ARL15: variants seen among roughly 807,000 people sequenced by gnomAD.
ARL15 encodes ARF like GTPase 15.
Under a neutral mutation model 25.2 loss-of-function variants are expected in ARL15, and 19 were observed. That is an observed-to-expected ratio of 0.75 (90% confidence interval 0.53 to 1.10). ARL15 has a LOEUF of 1.10. Ranked by LOEUF, ARL15 falls within the 50% of genes least tolerant of loss-of-function variation. The pLI is 0.00. For missense variants in ARL15, 220 were observed against 246.0 expected (o/e 0.89, Z 0.71); for synonymous variants, 94 against 86.8 (o/e 1.08, Z -0.46).
chr5:54,252,898 T>A (rs912024752), intron 1 of ARL15, among the ~76,000 whole-genome samples: 1 of 152,034 alleles, frequency 6.6e-6, no homozygotes, highest in Non-Finnish European at 1.5e-5. Flanking sequence ...GAATGTTTTT[T>A]ATTTTTTGTA....
At chr5:54,258,948 A>G (rs1031574723) in intron 1 of ARL15, among the ~76,000 whole-genome samples, 1 of 152,196 alleles carries the variant, frequency 6.6e-6, no homozygotes, top group South Asian at 2.1e-4. Flanking sequence ...GAACAACCAT[A>G]TAGACAAATT....
chr5:54,029,333 TACCACCACCACC>T (rs34152775), intron 4 of ARL15, among the ~76,000 whole-genome samples: 115 of 94,688 alleles, frequency 1.2e-3, no homozygotes, highest in African/African-American at 4.0e-3. Flanking sequence ...CCACCACCAC[TACCACCACCACC>T]ACCACCACCA....
chr5:54,165,662 C>A lies in ARL15; in HGVS notation c.193+6122G>T, dbSNP rs534551556. 1.5e-3 allele frequency among the ~76,000 whole-genome samples: 225 copies of A among 149,446 alleles called. 1 individual carries two copies. The highest frequency in any genetic ancestry group is 7.6e-3 in the Admixed American group (114 of 15,004). On this transcript the variant is annotated intron_variant, in intron 2 of 4. Coordinates refer to ENST00000504924, the MANE Select transcript of ARL15 (RefSeq NM_019087.3). ...CTTTGTTCTCAAGAGAAAAAAAAAA[C>A]CAAAAGGATGTGTGTTTATATGCAT...
At chr5:53,951,998 T>C (rs813702) in intron 4 of ARL15, among the ~76,000 whole-genome samples, 1 of 152,078 alleles carries the variant, frequency 6.6e-6, no homozygotes, top group African/African-American at 2.4e-5. Flanking sequence ...CTGGGCGTGG[T>C]GGCTCGCGCC....
chr5:54,164,623 A>G (rs1276442512), intron 2 of ARL15, among the ~76,000 whole-genome samples: 1 of 152,034 alleles, frequency 6.6e-6, no homozygotes, highest in Non-Finnish European at 1.5e-5. Flanking sequence ...CTTTATCCCC[A>G]GCCTTATTCA....
chr5:54,115,007 C>T (rs1217087482), intron 3 of ARL15, among the ~76,000 whole-genome samples: 1 of 152,192 alleles, frequency 6.6e-6, no homozygotes, highest in Admixed American at 6.5e-5. Flanking sequence ...TGTGCCCTGG[C>T]TGGCAAGGGT....
At chr5:54,268,737 C>T (rs1172468195) in intron 1 of ARL15, among the ~76,000 whole-genome samples, 2 of 152,112 alleles carry the variant, frequency 1.3e-5, no homozygotes, top group Non-Finnish European at 2.9e-5. Context: ...ACCCAAAGGA[C>T]TATAAATCAT....
At chr5:54,123,503 T>A (rs986884533) in intron 3 of ARL15, among the ~76,000 whole-genome samples, 1 of 152,166 alleles carries the variant, frequency 6.6e-6, no homozygotes, top group Non-Finnish European at 1.5e-5. Flanking sequence ...GAAGCAAGCT[T>A]CCCCTTTGTG....
intron 4 of ARL15, among the ~76,000 whole-genome samples, chr5:53,916,383 G>A (rs1285667570): frequency 6.6e-6 from 1 of 151,642 alleles, no homozygotes; most frequent in Non-Finnish European, 1.5e-5. Flanking sequence ...GGAGAGATTT[G>A]AAGTACCAAT....
chr5:54,041,573 G>C lies in ARL15; in HGVS notation c.462+71629C>G, dbSNP rs535148650. 6.6e-5 allele frequency among the ~76,000 whole-genome samples: 10 copies of C among 152,296 alleles called. No individual in the cohort carries two copies. In the East Asian group the frequency reaches 1.7e-3, roughly 27 times the overall value. On this transcript the variant is annotated intron_variant, in intron 4 of 4. Transcript: ENST00000504924. ...ACTACAGGCTCTACATGAGCCACAA[G>C]TATGACCTGGCTATTAAAATATTAT...
At chr5:53,944,376 C>T (rs535385541) in intron 4 of ARL15, among the ~76,000 whole-genome samples, 6 of 152,108 alleles carry the variant, frequency 3.9e-5, no homozygotes, top group East Asian at 1.9e-4. Flanking sequence ...TTTGGGAGGC[C>T]GAGGCAGGAG....
intron 4 of ARL15, among the ~76,000 whole-genome samples, chr5:54,046,468 G>A (rs1239149034): frequency 2.0e-5 from 3 of 152,164 alleles, no homozygotes; most frequent in Non-Finnish European, 2.9e-5. Flanking sequence ...GCACGAGAGC[G>A]AGACTCTGTC....
chr5:53,885,088 C>T lies in ARL15; in HGVS notation c.*1473G>A, dbSNP rs1234772116. Reference sequence around the variant, plus strand: ...TTAAATGGCATTAAGGGTCTGAAGTCTATCTTCTGGAGAATTACCAGGTAT... The same window carrying T: ...TTAAATGGCATTAAGGGTCTGAAGTTTATCTTCTGGAGAATTACCAGGTAT... On this transcript the variant is annotated 3_prime_UTR_variant, in exon 5 of 5. Coordinates refer to ENST00000504924, the MANE Select transcript of ARL15 (RefSeq NM_019087.3). 1 of 152,562 alleles carries T rather than the reference C, an allele frequency of 6.6e-6. No individual in the cohort carries two copies. Among genetic ancestry groups the T allele is most frequent in the African/African-American group, 2.4e-5 (1 of 41,432 alleles). The allele number at this position is 152,562 out of a possible 1,614,324, so 9.5% of individuals were successfully genotyped here. A position where few individuals can be genotyped will look rare whatever the true frequency, so the allele number is the denominator to read the frequency against.
intron 4 of ARL15, among the ~76,000 whole-genome samples, chr5:53,959,711 T>C (rs1242522380): frequency 1.3e-5 from 2 of 152,084 alleles, no homozygotes; most frequent in African/African-American, 4.8e-5. Context: ...CTGTTTTTGA[T>C]CATTTGTCAC....
intron 1 of ARL15, among the ~76,000 whole-genome samples, chr5:54,244,364 G>A (rs751446890): frequency 6.6e-5 from 10 of 152,044 alleles, no homozygotes; most frequent in Admixed American, 1.3e-4. Context: ...GAGAAACCAC[G>A]CTCAACCTCA....
rs146574452 is a variant in ARL15, at chr5:54,196,739, A to G, written c.49-24811T>C. Among the ~76,000 whole-genome samples, 1,313 of 152,294 alleles carry G rather than the reference A, an allele frequency of 8.6e-3. 12 individuals are homozygous for G. The highest frequency in any genetic ancestry group is 0.025 in the African/African-American group (1,025 of 41,580). On this transcript the variant is annotated intron_variant, in intron 1 of 4. Coordinates refer to ENST00000504924, the MANE Select transcript of ARL15 (RefSeq NM_019087.3). ...TTCATTATTCTTTAATTATTAAAATATAAAACTGTGATTAAACAGCTGCAG... is the reference window on the plus strand; with the variant it reads ...TTCATTATTCTTTAATTATTAAAATGTAAAACTGTGATTAAACAGCTGCAG...
intron 4 of ARL15, among the ~76,000 whole-genome samples, chr5:53,986,502 A>T (rs1209348911): frequency 6.6e-6 from 1 of 152,218 alleles, no homozygotes; most frequent in African/African-American, 2.4e-5. Context: ...CACTCCAGAC[A>T]TCGGATTACA....
At chr5:53,895,988 A>C (rs1744859200) in intron 4 of ARL15, among the ~76,000 whole-genome samples, 1 of 152,206 alleles carries the variant, frequency 6.6e-6, no homozygotes, top group African/African-American at 2.4e-5. Context: ...ATATACTTTA[A>C]ATGAAAGTAT....
chr5:54,169,088 T>A (rs895012897), intron 2 of ARL15, among the ~76,000 whole-genome samples: 1 of 152,092 alleles, frequency 6.6e-6, no homozygotes, highest in African/African-American at 2.4e-5. Flanking sequence ...AATAGACTAG[T>A]GCACAATTCT....
Sources: allele counts gnomAD v4.1 joint callset (sites outside exome capture counted in the v4.1 genomes callset), GRCh38; gene constraint gnomAD v4.1.1; transcripts MANE v1.5; gene names NCBI Gene and HGNC (gene_info 2026-07-23, HGNC 2026-07-21).